The following APOE variants were observed in gnomAD, a reference collection of about 807,000 sequenced individuals.
APOE encodes the protein apolipoprotein E3.
Under a neutral mutation model 13.1 loss-of-function variants are expected in APOE, and 10 were observed. The ratio of observed to expected loss-of-function variants is 0.76; its 90% CI spans 0.47 to 1.29. The LOEUF (loss-of-function observed/expected upper bound fraction) is 1.29. Ranked by LOEUF, APOE falls within the 50% of genes most tolerant of loss-of-function variation. The probability of loss-of-function intolerance (pLI) is 0.00; values close to 1 mark genes in which losing one functional copy is unlikely to be tolerated. For missense variants in APOE, 471 were observed against 459.6 expected (o/e 1.02, Z -0.23); for synonymous variants, 211 against 207.1 (o/e 1.02, Z -0.16).
Position 44,907,783 on chromosome 19 carries a change from G to A in APOE, c.67G>A (p.Ala23Thr). Reference sequence around the variant, plus strand: ...AGGATGCCAGGCCAAGGTGGAGCAAGCGGTGGAGACAGAGCCGGAGCCCGA... The same window carrying A: ...AGGATGCCAGGCCAAGGTGGAGCAAACGGTGGAGACAGAGCCGGAGCCCGA... The part of the protein sequence containing the change: ...LAGCQAKVEQ[A>T]VETEPEPELR... The change falls in exon 3 of 4, where the codon GCG (alanine) becomes ACG (threonine). Residue 23 changes from alanine (A) to threonine (T), a missense_variant. Transcript: ENST00000252486. The surrounding 1 kb of genome is among the most constrained non-coding windows in gnomAD (Gnocchi z 4.1). 6.2e-7 allele frequency: 1 copy of A among 1,612,820 alleles called. No individual in the cohort carries two copies. The highest frequency in any genetic ancestry group is 1.3e-5 in the African/African-American group (1 of 75,044).
rs1026711450 is a variant in APOE, at chr19:44,906,476, G to C, written c.-23-126G>C. 1.4e-5 allele frequency: 14 copies of C among 966,310 alleles called. No individual in the cohort carries two copies. In the African/African-American group the frequency reaches 2.2e-4, roughly 15 times the overall value. 59.9% of individuals were successfully genotyped at this position (966,310 alleles called of 1,614,324 possible). A position where few individuals can be genotyped will look rare whatever the true frequency, so the allele number is the denominator to read the frequency against. On this transcript the variant is annotated intron_variant, in intron 1 of 3. Coordinates refer to ENST00000252486, the MANE Select transcript of APOE (RefSeq NM_000041.4). ...GGGGGCGGCTTGGTAAATGTGCTGG[G>C]ATTAGGCTGTTGCAGATAATGCAAC...
Position 44,907,309 on chromosome 19 carries a change from C to T in APOE, c.44-451C>T. On this transcript the variant is annotated intron_variant, in intron 2 of 3. Transcript: ENST00000252486. The surrounding 1 kb of genome is among the most constrained non-coding windows in gnomAD (Gnocchi z 4.1). ...GGCACACAAGGACACTCAATACATG[C>T]TTTTCCGCTGGGCGCGGTGGCTCAC... 1 of 272,264 alleles carries T rather than the reference C, an allele frequency of 3.7e-6. No individual in the cohort carries two copies. The highest frequency in any genetic ancestry group is 4.1e-5 in the South Asian group (1 of 24,286). The allele number at this position is 272,264 out of a possible 1,614,324, so 16.9% of individuals were successfully genotyped here. A position where few individuals can be genotyped will look rare whatever the true frequency, so the allele number is the denominator to read the frequency against.
In APOE at chr19:44,909,013, G is replaced by A. The variant is rs761592007; in HGVS notation, c.717G>A (p.Met239Ile). The A allele has an allele frequency of 1.3e-6, 2 of 1,537,560 alleles. No individual in the cohort carries two copies. The highest frequency in any genetic ancestry group is 2.4e-5 in the South Asian group (2 of 84,156). Residue 239 changes from methionine (M) to isoleucine (I), a missense_variant, in exon 4 of 4, where the codon ATG becomes ATA. By Grantham distance (10) the Met-to-Ile change is conservative. Transcript: ENST00000252486. The stretch of plus-strand genomic sequence containing the variant: ...GGCTGCGCGCGCGGATGGAGGAGAT[G>A]GGCAGCCGGACCCGCGACCGCCTGG... The part of the protein sequence containing the change: ...GERLRARMEE[M>I]GSRTRDRLDE...
chr19:44,907,038 A>C lies in APOE; in HGVS notation c.43+371A>C. 3.7e-6 allele frequency: 1 copy of C among 271,560 alleles called. No individual in the cohort carries two copies. The highest frequency in any genetic ancestry group is 7.2e-6 in the Non-Finnish European group (1 of 139,702). 16.8% of individuals were successfully genotyped at this position (271,560 alleles called of 1,614,324 possible). A position where few individuals can be genotyped will look rare whatever the true frequency, so the allele number is the denominator to read the frequency against. ...TGGGACTACAGGCACATGCCACCAC[A>C]CCCGACTAACTTTTTTGTATTTTCA... On this transcript the variant is annotated intron_variant, in intron 2 of 3. Transcript: ENST00000252486. The surrounding 1 kb of genome is among the most constrained non-coding windows in gnomAD (Gnocchi z 4.1).
rs1347476726 is a variant in APOE at position 44,908,791 on chromosome 19, G to T, written c.495G>T (p.Arg165=). 2.6e-6 allele frequency: 4 copies of T among 1,553,850 alleles called. No homozygotes were observed. The East Asian group carries it at 9.6e-5, about 37-fold the overall frequency. The change falls in exon 4 of 4, where the codon CGG becomes CGT. Residue 165 remains arginine, a synonymous_variant. Coordinates refer to ENST00000252486, the MANE Select transcript of APOE (RefSeq NM_000041.4). Reference sequence around the variant, plus strand: ...CCCACCTGCGCAAGCTGCGTAAGCGGCTCCTCCGCGATGCCGATGACCTGC... The same window carrying T: ...CCCACCTGCGCAAGCTGCGTAAGCGTCTCCTCCGCGATGCCGATGACCTGC... ...LASHLRKLRK[R]LLRDADDLQK... is the part of the protein sequence containing the mutation.
At chr19:44,906,304 C>A in intron 1 of APOE, 1 of 459,884 alleles carries the variant, frequency 2.2e-6, no homozygotes. Flanking sequence ...GAATGCGAGA[C>A]TGGGACTGAG....
intron 1 of APOE, 53 bp from the exon 2 acceptor site, chr19:44,906,548 TG>T: frequency 1.2e-6 from 2 of 1,602,944 alleles, no homozygotes; most frequent in Non-Finnish European, 1.7e-6. Context: ...GGGGCCGGGC[TG>T]GGGGTGGGAG....
rs754318486 is a variant in APOE at position 44,906,644 on chromosome 19, C to T, written c.20C>T (p.Ala7Val). MKVLWA[A>V]LLVTFLAGCQ... ...AGGAAGATGAAGGTTCTGTGGGCTG[C>T]GTTGCTGGTCACATTCCTGGCAGGT... is the stretch of plus-strand genomic sequence containing the variant. The change falls in exon 2 of 4, where the codon GCG (alanine) becomes GTG (valine). Residue 7 changes from alanine (A) to valine (V), a missense_variant. Ala to Val is a moderately conservative substitution (Grantham distance 64). Transcript: ENST00000252486. The T allele has an allele frequency of 1.2e-6, 2 of 1,614,044 alleles. No individual in the cohort carries two copies. The highest frequency in any genetic ancestry group is 1.7e-6 in the Non-Finnish European group (2 of 1,180,000).
At chr19:44,906,360 C>T in intron 1 of APOE, 1 of 574,044 alleles carries the variant, frequency 1.7e-6, no homozygotes, top group East Asian at 3.0e-5. Flanking sequence ...AATTTGAACC[C>T]CGGGAGAGGA....
At position 44,908,775 on chromosome 19, in the gene APOE, G is replaced by A. The variant is rs1452005331; in HGVS notation, c.479G>A (p.Arg160His). 2 of 1,560,258 alleles carry A rather than the reference G, an allele frequency of 1.3e-6. No individual in the cohort carries two copies. The highest frequency in any genetic ancestry group is 1.7e-6 in the Non-Finnish European group (2 of 1,154,918). ...CGGGTGCGCCTCGCCTCCCACCTGC[G>A]CAAGCTGCGTAAGCGGCTCCTCCGC... The part of the protein sequence containing the change: ...ELRVRLASHL[R>H]KLRKRLLRDA... Residue 160 changes from arginine to histidine, a missense_variant, in exon 4 of 4, where the codon CGC becomes CAC. Coordinates refer to ENST00000252486, the MANE Select transcript of APOE (RefSeq NM_000041.4).
At chr19:44,908,509 A>C (rs1448337954) in intron 3 of APOE, 24 bp from the exon 4 acceptor site, 8 of 1,610,008 alleles carry the variant, frequency 5.0e-6, no homozygotes, top group Non-Finnish European at 6.8e-6. Flanking sequence ...ACTGTGCGAC[A>C]CCCTCCCGCC....
At chr19:44,906,574 G>A (rs535927566) in intron 1 of APOE, 28 bp from the exon 2 acceptor site, 1 of 1,613,848 alleles carries the variant, frequency 6.2e-7, no homozygotes, top group Non-Finnish European at 8.5e-7. Context: ...CCTCACTGGC[G>A]GTTGATTGAC....
At chr19:44,906,014 G>T in intron 1 of APOE, 173 bp downstream of exon 1, 1 of 1,038,532 alleles carries the variant, frequency 9.6e-7, no homozygotes, top group Non-Finnish European at 1.3e-6. Flanking sequence ...GGGAAGGGCT[G>T]GGCAGCAGAG....
Position 44,908,878 on chromosome 19 carries a change from C to T in APOE, c.582C>T (p.Ala194=). ...AGGGCGCCGAGCGCGGCCTCAGCGC[C>T]ATCCGCGAGCGCCTGGGGCCCCTGG... ...AREGAERGLS[A]IRERLGPLVE... Residue 194 remains alanine, a synonymous_variant, in exon 4 of 4, where the codon GCC becomes GCT. Transcript: ENST00000252486. 6.7e-7 allele frequency: 1 copy of T among 1,493,828 alleles called. No homozygotes were observed. The highest frequency in any genetic ancestry group is 8.9e-7 in the Non-Finnish European group (1 of 1,128,752). The allele number at this position is 1,493,828 out of a possible 1,614,324, so 92.5% of individuals were successfully genotyped here. A position where few individuals can be genotyped will look rare whatever the true frequency, so the allele number is the denominator to read the frequency against.
At chr19:44,905,951 G>A (rs1032414545) in intron 1 of APOE, 110 bp downstream of exon 1, 2 of 1,288,980 alleles carry the variant, frequency 1.6e-6, no homozygotes, top group African/African-American at 3.1e-5. Flanking sequence ...ACTCGGGGTC[G>A]GGCTTGGGGA....
rs1041326440 is a variant in APOE at position 44,907,374 on chromosome 19, A to G, written c.44-386A>G. 9.8e-6 allele frequency: 3 copies of G among 304,682 alleles called. No individual in the cohort carries two copies. The Admixed American group carries it at 1.3e-4, about 13-fold the overall frequency. 18.9% of individuals were successfully genotyped at this position (304,682 alleles called of 1,614,324 possible). ...CACTTTGGGAGGCCAAGGTGGGAGG[A>G]TCACTTGAGCCCAGGAGTTCAACAC... On this transcript the variant is annotated intron_variant, in intron 2 of 3. Transcript: ENST00000252486. This position sits in a 1 kb window ranked among gnomAD's most constrained non-coding sequence, Gnocchi z 4.1.
chr19:44,908,170 C>T (rs1261606869), intron 3 of APOE, among the ~76,000 whole-genome samples: 1 of 152,152 alleles, frequency 6.6e-6, no homozygotes, highest in Non-Finnish European at 1.5e-5. Flanking sequence ...CTCTCACACT[C>T]GTCCTGGCTC....
chr19:44,906,861 TTTG>T (rs1319748955), intron 2 of APOE, 194 bp downstream of exon 2: 21 of 610,062 alleles, frequency 3.4e-5, no homozygotes, highest in Admixed American at 5.8e-5. Context: ...TAGAAGTTGT[TTTG>T]TTGTTGTTGT....
Position 44,908,522 on chromosome 19 carries a change from C to G in APOE, c.237-11C>G, listed in dbSNP as rs1018306080. The G allele has an allele frequency of 3.7e-6, 6 of 1,613,142 alleles. No individual in the cohort carries two copies. In the East Asian group the frequency reaches 8.9e-5, roughly 24 times the overall value. On this transcript the variant is annotated splice_polypyrimidine_tract_variant and intron_variant, in intron 3 of 3. Coordinates refer to ENST00000252486, the MANE Select transcript of APOE (RefSeq NM_000041.4). ...CCACTGTGCGACACCCTCCCGCCCT[C>G]TCGGCCGCAGGGCGCTGATGGACGA...
Sources: allele counts gnomAD v4.1 joint callset (sites outside exome capture counted in the v4.1 genomes callset), GRCh38; gene constraint gnomAD v4.1.1; non-coding constraint Gnocchi (gnomAD v3.1); transcripts MANE v1.5; gene names NCBI Gene and HGNC (gene_info 2026-07-23, HGNC 2026-07-21).